The following LRFN5 variants were observed in gnomAD, a reference collection of about 807,000 sequenced individuals.
LRFN5 encodes the protein leucine rich repeat and fibronectin type III domain containing 5.
LRFN5 carries 24 observed loss-of-function variants against 45.6 expected under a neutral mutation model. The observed-to-expected ratio is 0.53, with a 90% CI of 0.38 to 0.74. LRFN5 has a LOEUF of 0.74. LRFN5 is among the 30% of genes least tolerant of loss of function. The pLI is 0.00. For synonymous variants in LRFN5, 340 were observed against 313.8 expected (o/e 1.08, Z -0.88); for missense variants, 776 against 861.5 (o/e 0.90, Z 1.24).
chr14:41,715,595 G>A (rs913571007), intron 1 of LRFN5, among the ~76,000 whole-genome samples: 12 of 152,234 alleles, frequency 7.9e-5, no homozygotes, highest in African/African-American at 2.6e-4. Flanking sequence ...ACCACAGACT[G>A]GGAAATTTAT....
At chr14:41,674,862 C>A (rs1242439438) in intron 1 of LRFN5, among the ~76,000 whole-genome samples, 1 of 150,582 alleles carries the variant, frequency 6.6e-6, no homozygotes, top group Non-Finnish European at 1.5e-5. Flanking sequence ...GGTTGCCGGG[C>A]GGAGGGTCTC....
chr14:41,716,917 T>A (rs1468898447), intron 1 of LRFN5, among the ~76,000 whole-genome samples: 1 of 152,178 alleles, frequency 6.6e-6, no homozygotes, highest in African/African-American at 2.4e-5. Context: ...CTTCTCTCCT[T>A]CAAGTCAGAG....
intron 1 of LRFN5, among the ~76,000 whole-genome samples, chr14:41,627,423 C>A (rs1344274767): frequency 6.6e-6 from 1 of 152,056 alleles, no homozygotes; most frequent in Non-Finnish European, 1.5e-5. Context: ...TTTTCTTAAT[C>A]TTTAGGATAA....
chr14:41,731,110 A>C (rs1884156604), intron 1 of LRFN5, among the ~76,000 whole-genome samples: 1 of 152,130 alleles, frequency 6.6e-6, no homozygotes, highest in Non-Finnish European at 1.5e-5. Flanking sequence ...TGACAACAAC[A>C]ATAAAAAAGT....
chr14:41,710,781 C>T (rs1883250714), intron 1 of LRFN5, among the ~76,000 whole-genome samples: 1 of 151,994 alleles, frequency 6.6e-6, no homozygotes, highest in African/African-American at 2.4e-5. Context: ...CCCCCGACCC[C>T]ACGACAGGCC....
chr14:41,662,533 A>G (rs1165460669), intron 1 of LRFN5, among the ~76,000 whole-genome samples: 1 of 152,086 alleles, frequency 6.6e-6, no homozygotes, highest in African/African-American at 2.4e-5. Context: ...AACAAGTGCA[A>G]ACAAGATTTG....
chr14:41,873,703 A>G (rs1890099452), intron 2 of LRFN5, among the ~76,000 whole-genome samples: 1 of 152,166 alleles, frequency 6.6e-6, no homozygotes, highest in South Asian at 2.1e-4. Flanking sequence ...CCACAATAAT[A>G]TGAAGAGAAA....
intron 5 of LRFN5, among the ~76,000 whole-genome samples, chr14:41,900,489 T>C (rs1313846545): frequency 6.6e-6 from 1 of 151,990 alleles, no homozygotes; most frequent in African/African-American, 2.4e-5. Context: ...TATCTTAAAG[T>C]AATTAGTATT....
rs1566486555 is a variant in LRFN5, at chr14:41,856,685, T to TC, written c.-20-29921_-20-29920insC. Among the ~76,000 whole-genome samples the TC allele has an allele frequency of 9.6e-4, 71 of 74,128 alleles. 5 individuals are homozygous for TC. The highest frequency in any genetic ancestry group is 3.2e-3 in the African/African-American group (68 of 20,940). The allele number at this position is 74,128 out of a possible 152,430, so 48.6% of individuals were successfully genotyped here. A position where few individuals can be genotyped will look rare whatever the true frequency, so the allele number is the denominator to read the frequency against. On this transcript the variant is annotated intron_variant, in intron 2 of 5. Coordinates refer to ENST00000298119, the MANE Select transcript of LRFN5 (RefSeq NM_152447.5). ...ATTATTATTATTATTATTTTTTTTT[T>TC]TTTTTTTTTGAGACGGAGTCTCGTT... is the stretch of plus-strand genomic sequence containing the variant.
intron 1 of LRFN5, among the ~76,000 whole-genome samples, chr14:41,735,803 T>A (rs1331054668): frequency 6.6e-6 from 1 of 152,064 alleles, no homozygotes; most frequent in Non-Finnish European, 1.5e-5. Context: ...CCCCTCCCTG[T>A]GTCCATGTGT....
chr14:41,883,635 C>G (rs1486767773), intron 2 of LRFN5, among the ~76,000 whole-genome samples: 1 of 152,186 alleles, frequency 6.6e-6, no homozygotes, highest in African/African-American at 2.4e-5. Flanking sequence ...TATCTTCCAT[C>G]TCACTTTATT....
intron 1 of LRFN5, among the ~76,000 whole-genome samples, chr14:41,620,962 GATAC>G: frequency 8.6e-6 from 1 of 115,970 alleles, no homozygotes; most frequent in Admixed American, 9.5e-5. Flanking sequence ...TACATGAATT[GATAC>G]ATACATTAAT....
intron 1 of LRFN5, among the ~76,000 whole-genome samples, chr14:41,657,460 C>T (rs1344514679): frequency 2.0e-5 from 3 of 151,818 alleles, no homozygotes; most frequent in Non-Finnish European, 4.4e-5. Flanking sequence ...TGACCCATCT[C>T]AGAAGGACAT....
chr14:41,677,786 CAAA>C (rs1411016798), intron 1 of LRFN5, among the ~76,000 whole-genome samples: 1 of 151,720 alleles, frequency 6.6e-6, no homozygotes, highest in Admixed American at 6.6e-5. Context: ...TTGTGAGTAT[CAAA>C]AGAAGAAGAG....
Position 41,898,969 on chromosome 14 carries a change from C to G in LRFN5, c.2142+9C>G, listed in dbSNP as rs1406304713. The stretch of plus-strand genomic sequence containing the variant: ...TTGTCCAGGAAACACAGGTGAGATT[C>G]TTATTACCTATAACTTACTTCAACA... On this transcript the variant is annotated intron_variant, in intron 5 of 5. Coordinates refer to ENST00000298119, the MANE Select transcript of LRFN5 (RefSeq NM_152447.5). The G allele has an allele frequency of 6.2e-7, 1 of 1,606,094 alleles. No individual in the cohort carries two copies.
chr14:41,664,603 A>G (rs1184011305), intron 1 of LRFN5, among the ~76,000 whole-genome samples: 2 of 151,980 alleles, frequency 1.3e-5, no homozygotes, highest in African/African-American at 2.4e-5. Context: ...TCAAGGTTAC[A>G]GTGAGCTATG....
intron 1 of LRFN5, among the ~76,000 whole-genome samples, chr14:41,752,511 G>A (rs1003462552): frequency 9.9e-5 from 15 of 152,118 alleles, no homozygotes; most frequent in African/African-American, 3.4e-4. Flanking sequence ...TTCTCTGATG[G>A]CCAGTGATGA....
At position 41,692,212 on chromosome 14, in the gene LRFN5, G is replaced by T. The variant is rs556354504; in HGVS notation, c.-196-74642G>T. On this transcript the variant is annotated intron_variant, in intron 1 of 5. Coordinates refer to ENST00000298119, the MANE Select transcript of LRFN5 (RefSeq NM_152447.5). ...CCCAACTTGTACAAAAGTGTTATTT[G>T]CTCCACATCATTGCCAATATTTGTA... Among the ~76,000 whole-genome samples the T allele has an allele frequency of 6.6e-5, 10 of 152,042 alleles. No homozygotes were observed. The East Asian group carries it at 1.9e-3, about 29-fold the overall frequency.
At chr14:41,722,253 C>T (rs2138772477) in intron 1 of LRFN5, among the ~76,000 whole-genome samples, 1 of 152,138 alleles carries the variant, frequency 6.6e-6, no homozygotes, top group Non-Finnish European at 1.5e-5. Flanking sequence ...TGTCTTCCTT[C>T]ATTTCCTGGA....
Sources: gnomAD v4.1 joint callset for allele counts (sites outside exome capture counted in the v4.1 genomes callset) on GRCh38, gnomAD v4.1.1 for gene constraint, MANE v1.5 for transcripts, NCBI Gene and HGNC (gene_info 2026-07-23, HGNC 2026-07-21) for gene names.